ANKRD12: variants seen among roughly 807,000 people sequenced by gnomAD.
The protein encoded by ANKRD12 is ankyrin repeat domain-containing protein 12.
In ANKRD12, 85 loss-of-function variants were observed where a neutral mutation model predicts 183.4. That is an observed-to-expected ratio of 0.46 (90% CI 0.39 to 0.56). The LOEUF (loss-of-function observed/expected upper bound fraction) is 0.56. ANKRD12 is among the 20% of genes least tolerant of loss of function. The pLI is 0.00. For missense variants in ANKRD12, 2,405 were observed against 2,357.1 expected (o/e 1.02, Z -0.42); for synonymous variants, 914 against 800.2 (o/e 1.14, Z -2.40).
chr18:9,270,917 A>C (rs1368400952), intron 10 of ANKRD12, among the ~76,000 whole-genome samples: 1 of 152,168 alleles, frequency 6.6e-6, no homozygotes, highest in Non-Finnish European at 1.5e-5. Context: ...AGAACAAACA[A>C]CTTTACCGTG....
chr18:9,249,915 A>G (rs2038188202), intron 8 of ANKRD12, among the ~76,000 whole-genome samples: 1 of 152,228 alleles, frequency 6.6e-6, no homozygotes, highest in Non-Finnish European at 1.5e-5. Context: ...AGCAAGAAGC[A>G]ATGAAAGAGG....
chr18:9,260,948 T>C (rs1244510036), intron 9 of ANKRD12, among the ~76,000 whole-genome samples: 1 of 152,128 alleles, frequency 6.6e-6, no homozygotes, highest in Non-Finnish European at 1.5e-5. Context: ...ATGACCTGCT[T>C]CTCTTTCTCC....
chr18:9,280,466 G>C (rs950823826), intron 12 of ANKRD12, among the ~76,000 whole-genome samples: 1 of 152,124 alleles, frequency 6.6e-6, no homozygotes, highest in Non-Finnish European at 1.5e-5. Flanking sequence ...CAAATAGTTG[G>C]TATGTGTGTA....
intron 1 of ANKRD12, among the ~76,000 whole-genome samples, chr18:9,169,058 A>G (rs2032400761): frequency 6.6e-6 from 1 of 151,908 alleles, no homozygotes; most frequent in East Asian, 1.9e-4. Context: ...CCTGAGTTCT[A>G]GTTTGATTGC....
At chr18:9,178,444 T>A (rs2033457007) in intron 1 of ANKRD12, among the ~76,000 whole-genome samples, 3 of 152,098 alleles carry the variant, frequency 2.0e-5, no homozygotes, top group Admixed American at 6.5e-5. Context: ...GAAAATCGGT[T>A]GGATTGGATG....
chr18:9,210,952 T>G (rs2035769994), intron 5 of ANKRD12, among the ~76,000 whole-genome samples: 4 of 151,988 alleles, frequency 2.6e-5, no homozygotes, highest in African/African-American at 4.8e-5. Flanking sequence ...CAGTTTTTGT[T>G]TTTTTGTAGT....
intron 6 of ANKRD12, among the ~76,000 whole-genome samples, chr18:9,214,198 C>T (rs1010343914): frequency 6.6e-6 from 1 of 151,896 alleles, no homozygotes; most frequent in African/African-American, 2.4e-5. Flanking sequence ...ATAAAAGATA[C>T]CTACATACTA....
At chr18:9,156,244 TA>T (rs2030440682) in intron 1 of ANKRD12, among the ~76,000 whole-genome samples, 1 of 152,126 alleles carries the variant, frequency 6.6e-6, no homozygotes, top group Non-Finnish European at 1.5e-5. Context: ...GTTTAATTTT[TA>T]TATTTTTTTT....
rs1306187120 is a variant in ANKRD12 at position 9,257,382 on chromosome 18, C to G, written c.4115C>G (p.Ser1372Cys). The change falls in exon 9 of 13, where the codon TCT (serine) becomes TGT (cysteine). Residue 1372 changes from serine to cysteine, a missense_variant. Physicochemically the swap from Ser to Cys is moderately radical, Grantham distance 112. Around this residue, in one of 7 missense-constraint regions of ANKRD12, gnomAD observed 1,983 missense variants for 1,725.9 expected, o/e 1.15. Transcript: ENST00000262126. ...VSNIHSSFAT[S>C]PTGASNSKYV... ...AACATACATTCCAGTTTTGCAACTT[C>G]TCCAACTGGAGCTTCAAACAGCAAG... 1 of 1,614,138 alleles carries G rather than the reference C, an allele frequency of 6.2e-7. No homozygotes were observed. Among genetic ancestry groups the G allele is most frequent in the Admixed American group, 1.7e-5 (1 of 60,018 alleles).
Position 9,281,938 on chromosome 18 carries a change from A to AGTAGTG in ANKRD12, c.*813_*818dup, listed in dbSNP as rs2040118299. ...TTAACTCTCCATAATTGATGCCTGC[A>AGTAGTG]GTAGTGTAAGGCATTTCATACTAGT... On this transcript the variant is annotated 3_prime_UTR_variant, in exon 13 of 13. Coordinates refer to ENST00000262126, the MANE Select transcript of ANKRD12 (RefSeq NM_015208.5). The AGTAGTG allele has an allele frequency of 6.6e-6, 1 of 152,608 alleles. No homozygotes were observed. The highest frequency in any genetic ancestry group is 1.5e-5 in the Non-Finnish European group (1 of 68,014). 9.5% of individuals were successfully genotyped at this position (152,608 alleles called of 1,614,324 possible).
At chr18:9,233,881 G>A (rs2037193974) in intron 8 of ANKRD12, among the ~76,000 whole-genome samples, 1 of 152,172 alleles carries the variant, frequency 6.6e-6, no homozygotes, top group South Asian at 2.1e-4. Flanking sequence ...GACCAGGTGG[G>A]TCAATTCTTA....
chr18:9,243,933 C>G (rs1017301461), intron 8 of ANKRD12, among the ~76,000 whole-genome samples: 4 of 152,104 alleles, frequency 2.6e-5, no homozygotes, highest in African/African-American at 9.7e-5. Context: ...GTCAGGAGTT[C>G]AAGACCAGCC....
intron 8 of ANKRD12, among the ~76,000 whole-genome samples, chr18:9,222,208 A>G (rs1384324565): frequency 6.6e-6 from 1 of 152,150 alleles, no homozygotes; most frequent in Non-Finnish European, 1.5e-5. Context: ...TCATAATGCC[A>G]TTGCCCCATT....
At chr18:9,137,056 C>T (rs1020786663) in intron 1 of ANKRD12, 91 bp downstream of exon 1, 17 of 152,704 alleles carry the variant, frequency 1.1e-4, no homozygotes, top group Non-Finnish European at 2.2e-4. Context: ...AGGAGATCCC[C>T]TCAGTTCTGC....
At chr18:9,182,297 C>G (rs2033750518) in intron 1 of ANKRD12, 85 bp from the exon 2 acceptor site, 3 of 382,074 alleles carry the variant, frequency 7.9e-6, no homozygotes, top group Non-Finnish European at 1.4e-5. Flanking sequence ...CTTATGAAAA[C>G]AGAGAGAAAA....
At chr18:9,184,673 A>G (rs1342305499) in intron 2 of ANKRD12, among the ~76,000 whole-genome samples, 3 of 152,128 alleles carry the variant, frequency 2.0e-5, no homozygotes, top group Admixed American at 6.5e-5. Context: ...ACCCTGGCCG[A>G]TGTTGCCATT....
Position 9,283,140 on chromosome 18 carries a change from A to G in ANKRD12, c.*2014A>G, listed in dbSNP as rs748612202. 3 of 152,370 alleles carry G rather than the reference A, an allele frequency of 2.0e-5. No homozygotes were observed. Among genetic ancestry groups the G allele is most frequent in the Non-Finnish European group, 4.4e-5 (3 of 68,026 alleles). 9.4% of individuals were successfully genotyped at this position (152,370 alleles called of 1,614,324 possible). ...GATGGGATACTGTGGCAAATCATAA[A>G]AAACCAGATAATTGAACTTTGAAGT... On this transcript the variant is annotated 3_prime_UTR_variant, in exon 13 of 13. Transcript: ENST00000262126.
intron 8 of ANKRD12, among the ~76,000 whole-genome samples, chr18:9,227,383 G>T (rs997089246): frequency 6.6e-6 from 1 of 152,192 alleles, no homozygotes; most frequent in African/African-American, 2.4e-5. Flanking sequence ...CACCTTCCAG[G>T]TTATGATCTT....
rs1010678634 is a variant in ANKRD12, at chr18:9,195,760, C to T, written c.235+62C>T. 23 of 1,481,714 alleles carry T rather than the reference C, an allele frequency of 1.6e-5. No individual in the cohort carries two copies. In the East Asian group the frequency reaches 5.0e-4, roughly 32 times the overall value. 91.8% of individuals were successfully genotyped at this position (1,481,714 alleles called of 1,614,324 possible). On this transcript the variant is annotated intron_variant, in intron 3 of 12. Coordinates refer to ENST00000262126, the MANE Select transcript of ANKRD12 (RefSeq NM_015208.5). The stretch of plus-strand genomic sequence containing the variant: ...CATTCTTTAATTCTGATTTTTGTTT[C>T]TTGTACACCACTCCTCTTGACACCC...
Sources: gnomAD v4.1 joint callset for allele counts (sites outside exome capture counted in the v4.1 genomes callset) on GRCh38, gnomAD v4.1.1 for gene constraint, gnomAD v4.1.1 regional missense constraint, MANE v1.5 for transcripts, NCBI Gene and HGNC (gene_info 2026-07-23, HGNC 2026-07-21) for gene names.